Variants in QTMAN observed in about 807,000 individuals in gnomAD.
QTMAN encodes the protein queuosine-tRNA mannosyltransferase.
chr2:144,098,364 T>C, the QTMAN span, among the ~76,000 whole-genome samples: 51 of 152,338 alleles, frequency 3.3e-4, no homozygotes, highest in African/African-American at 1.2e-3. Flanking sequence ...ACGCTGATTC[T>C]ATCCAGGTTC....
chr2:143,983,468 G>GTTTTTTTT, the QTMAN span, among the ~76,000 whole-genome samples: 4 of 116,002 alleles, frequency 3.4e-5, no homozygotes, highest in Admixed American at 9.4e-5. Flanking sequence ...CATTTTTGAG[G>GTTTTTTTT]TTTTTTTTTT....
chr2:144,317,133 A>G, the QTMAN span, among the ~76,000 whole-genome samples: 3 of 152,154 alleles, frequency 2.0e-5, no homozygotes, highest in African/African-American at 7.2e-5. Flanking sequence ...TGATCTTACT[A>G]TCTATCACAA....
At chr2:144,104,980 G>A in the QTMAN span, among the ~76,000 whole-genome samples, 8 of 152,338 alleles carry the variant, frequency 5.3e-5, no homozygotes, top group Admixed American at 2.6e-4. Context: ...CTCCACTGCT[G>A]ATACCAAGGC....
the QTMAN span, among the ~76,000 whole-genome samples, chr2:144,242,688 G>A: frequency 4.6e-5 from 7 of 152,178 alleles, no homozygotes; most frequent in Admixed American, 1.3e-4. Context: ...GAGGCCAGGC[G>A]TGGTGGCTCA....
chr2:144,167,888 T>C, the QTMAN span, among the ~76,000 whole-genome samples: 9 of 152,290 alleles, frequency 5.9e-5, no homozygotes, highest in East Asian at 3.9e-4. Flanking sequence ...ATTTTTACTA[T>C]AGCAAAAATG....
At chr2:144,060,418 G>T in the QTMAN span, among the ~76,000 whole-genome samples, 1 of 151,958 alleles carries the variant, frequency 6.6e-6, no homozygotes, top group African/African-American at 2.4e-5. Flanking sequence ...CTGGCACCAC[G>T]CCCAGCTAAT....
chr2:144,037,428 C>T, the QTMAN span, among the ~76,000 whole-genome samples: 1 of 152,186 alleles, frequency 6.6e-6, no homozygotes, highest in African/African-American at 2.4e-5. Flanking sequence ...TCAACCCTCA[C>T]CTAATGCCAC....
chr2:144,274,844 A>G, the QTMAN span, among the ~76,000 whole-genome samples: 1 of 152,124 alleles, frequency 6.6e-6, no homozygotes, highest in South Asian at 2.1e-4. Context: ...CACCCAGTCA[A>G]TCAGAAGCAC....
the QTMAN span, among the ~76,000 whole-genome samples, chr2:144,177,546 G>C: frequency 7.9e-5 from 12 of 152,134 alleles, no homozygotes; most frequent in African/African-American, 2.9e-4. Flanking sequence ...CCAAATCAGA[G>C]ATGAACAACT....
At chr2:144,047,157 G>A in the QTMAN span, among the ~76,000 whole-genome samples, 1 of 152,132 alleles carries the variant, frequency 6.6e-6, no homozygotes, top group Non-Finnish European at 1.5e-5. Flanking sequence ...TGTAATCCCA[G>A]CTACTCAGGA....
chr2:144,021,530 G>C, the QTMAN span, among the ~76,000 whole-genome samples: 87 of 152,186 alleles, frequency 5.7e-4, no homozygotes, highest in Admixed American at 8.5e-4. Context: ...GAACAAACGG[G>C]AGCAAGAGAA....
At chr2:143,960,362 G>C in the QTMAN span, among the ~76,000 whole-genome samples, 2 of 152,198 alleles carry the variant, frequency 1.3e-5, no homozygotes, top group African/African-American at 4.8e-5. Context: ...GGAGGAGGGA[G>C]GGGCACTGGA....
the QTMAN span, among the ~76,000 whole-genome samples, chr2:144,280,494 G>A: frequency 1.3e-5 from 2 of 151,962 alleles, no homozygotes; most frequent in Non-Finnish European, 2.9e-5. Flanking sequence ...GTTGTAATTC[G>A]ATTGACATCA....
the QTMAN span, among the ~76,000 whole-genome samples, chr2:144,259,627 TAA>T: frequency 2.6e-5 from 4 of 152,046 alleles, no homozygotes; most frequent in Non-Finnish European, 5.9e-5. Context: ...AATATACAAC[TAA>T]AAGAAAATAA....
At chr2:144,132,527 T>G in the QTMAN span, among the ~76,000 whole-genome samples, 1 of 152,098 alleles carries the variant, frequency 6.6e-6, no homozygotes, top group Non-Finnish European at 1.5e-5. Context: ...ATGAATATCA[T>G]AGCCGCTGGG....
chr2:144,253,520 T>C, the QTMAN span, among the ~76,000 whole-genome samples: 23 of 152,266 alleles, frequency 1.5e-4, no homozygotes, highest in Admixed American at 5.2e-4. Context: ...ATACAGACAA[T>C]GAAGTCCAGG....
chr2:143,950,071 A>T, the QTMAN span, among the ~76,000 whole-genome samples: 11 of 151,942 alleles, frequency 7.2e-5, no homozygotes, highest in African/African-American at 2.6e-4. Context: ...TTACAGATTT[A>T]TAAGAGAAAA....
chr2:144,175,344 C>A, the QTMAN span, among the ~76,000 whole-genome samples: 1 of 152,018 alleles, frequency 6.6e-6, no homozygotes, highest in Admixed American at 6.6e-5. Context: ...AAAAAGTAAA[C>A]CTTCCTAACA....
the QTMAN span, among the ~76,000 whole-genome samples, chr2:144,117,048 G>C: frequency 6.6e-6 from 1 of 152,136 alleles, no homozygotes; most frequent in African/African-American, 2.4e-5. Flanking sequence ...GGTGAATACC[G>C]GTCTCTATTT....
Sources: gnomAD v4.1 joint callset for allele counts (sites outside exome capture counted in the v4.1 genomes callset) on GRCh38, gnomAD v4.1.1 for gene constraint, MANE v1.5 for transcripts, NCBI Gene and HGNC (gene_info 2026-07-23, HGNC 2026-07-21) for gene names.